Variants in ESRRG observed in about 807,000 individuals in gnomAD.
ESRRG encodes the protein estrogen related receptor gamma, also known as estrogen-related receptor gamma.
A neutral mutation model predicts 44.0 loss-of-function variants in ESRRG; 13 were observed. That is an observed-to-expected ratio of 0.30 (90% CI 0.19 to 0.47). The LOEUF (loss-of-function observed/expected upper bound fraction) is 0.47, where lower values mean the gene tolerates loss of function less well. Ranked by LOEUF, ESRRG falls within the 20% of genes least tolerant of loss-of-function variation. The probability of loss-of-function intolerance (pLI) is 1.00; values close to 1 mark genes in which losing one functional copy is unlikely to be tolerated. For synonymous variants in ESRRG, 215 were observed against 214.6 expected (o/e 1.00, Z -0.02); for missense variants, 395 against 580.6 (o/e 0.68, Z 3.29).
At chr1:216,822,089 T>C (rs1386438780) in intron 2 of ESRRG, among the ~76,000 whole-genome samples, 2 of 152,158 alleles carry the variant, frequency 1.3e-5, no homozygotes, top group African/African-American at 4.8e-5. Flanking sequence ...GATTGGGACC[T>C]TCTACATTTC....
intron 2 of ESRRG, among the ~76,000 whole-genome samples, chr1:216,903,760 C>T (rs1369677853): frequency 6.6e-6 from 1 of 151,950 alleles, no homozygotes; most frequent in East Asian, 1.9e-4. Flanking sequence ...ACTAAATGCC[C>T]CTGACATGCC....
At chr1:217,085,093 TG>T (rs1187350257) in intron 1 of ESRRG, among the ~76,000 whole-genome samples, 15 of 105,270 alleles carry the variant, frequency 1.4e-4, no homozygotes, top group African/African-American at 4.3e-4. Flanking sequence ...CCTTTCACAA[TG>T]GGTTGTGAAT....
intron 2 of ESRRG, among the ~76,000 whole-genome samples, chr1:216,877,385 T>TTG (rs1553672383): frequency 0.048 from 2,514 of 52,332 alleles, 88 homozygotes; most frequent in African/African-American, 0.19. Flanking sequence ...TGGTGTTTTT[T>TTG]TTTGTTTGTT....
chr1:216,627,691 G>C (rs962395503), intron 3 of ESRRG, among the ~76,000 whole-genome samples: 1 of 152,090 alleles, frequency 6.6e-6, no homozygotes, highest in African/African-American at 2.4e-5. Context: ...CTCAAAAACG[G>C]CTACTCCATC....
intron 2 of ESRRG, among the ~76,000 whole-genome samples, chr1:216,937,531 T>C (rs1334145463): frequency 6.6e-6 from 1 of 152,218 alleles, no homozygotes; most frequent in Non-Finnish European, 1.5e-5. Context: ...AGATGATATC[T>C]GTTTTCTCCT....
At chr1:216,915,731 C>G (rs1025002372) in intron 2 of ESRRG, among the ~76,000 whole-genome samples, 2 of 152,200 alleles carry the variant, frequency 1.3e-5, no homozygotes, top group Non-Finnish European at 2.9e-5. Flanking sequence ...GCAGTGTTAA[C>G]TGACATCCAG....
intron 3 of ESRRG, among the ~76,000 whole-genome samples, chr1:216,634,698 C>G (rs1191357608): frequency 6.6e-6 from 1 of 152,164 alleles, no homozygotes; most frequent in Non-Finnish European, 1.5e-5. Context: ...ACAGTCTCCA[C>G]CTCACTGATG....
At chr1:216,953,208 T>C (rs1331329304) in intron 1 of ESRRG, among the ~76,000 whole-genome samples, 1 of 152,136 alleles carries the variant, frequency 6.6e-6, no homozygotes, top group African/African-American at 2.4e-5. Context: ...ACTAAAGGCA[T>C]GGCAATGCAA....
intron 1 of ESRRG, among the ~76,000 whole-genome samples, chr1:217,101,753 C>T (rs531368050): frequency 6.6e-6 from 1 of 151,310 alleles, no homozygotes; most frequent in East Asian, 2.0e-4. Context: ...TCTTTCCATT[C>T]TTGTGTGTGT....
At chr1:216,957,527 T>G (rs920027517) in intron 1 of ESRRG, among the ~76,000 whole-genome samples, 1 of 152,134 alleles carries the variant, frequency 6.6e-6, no homozygotes, top group Non-Finnish European at 1.5e-5. Flanking sequence ...GCCCCAAAAC[T>G]TCAGAAACAT....
intron 1 of ESRRG, among the ~76,000 whole-genome samples, chr1:216,973,586 G>C (rs947030138): frequency 6.6e-6 from 1 of 152,134 alleles, no homozygotes. Flanking sequence ...CAGCACTTTG[G>C]GAGGCCGAGG....
chr1:217,012,636 C>T (rs1005400449), intron 1 of ESRRG, among the ~76,000 whole-genome samples: 2 of 152,168 alleles, frequency 1.3e-5, no homozygotes, highest in African/African-American at 4.8e-5. Context: ...CCTTTCCTTC[C>T]ACAGGTTCCT....
At chr1:216,912,617 AT>A (rs2060609247) in intron 2 of ESRRG, among the ~76,000 whole-genome samples, 1 of 152,142 alleles carries the variant, frequency 6.6e-6, no homozygotes, top group African/African-American at 2.4e-5. Context: ...ATTACATCCT[AT>A]TAAATAAGCA....
In ESRRG at chr1:216,779,159, A is replaced by T. The variant is rs1576452383; in HGVS notation, c.-13-101668T>A. On this transcript the variant is annotated intron_variant, in intron 2 of 7. Transcript: ENST00000359162. ...ATAAATATATATTTATATATATATAAAATAAATATATATATAATTATATAA... is the reference window on the plus strand; with the variant it reads ...ATAAATATATATTTATATATATATATAATAAATATATATATAATTATATAA... Among the ~76,000 whole-genome samples the T allele has an allele frequency of 3.0e-5, 3 of 98,518 alleles. No individual in the cohort carries two copies. The South Asian group carries it at 8.4e-4, about 28-fold the overall frequency. 64.6% of individuals were successfully genotyped at this position (98,518 alleles called of 152,430 possible).
intron 2 of ESRRG, among the ~76,000 whole-genome samples, chr1:216,763,521 C>A (rs1271132048): frequency 6.6e-6 from 1 of 151,886 alleles, no homozygotes; most frequent in Non-Finnish European, 1.5e-5. Context: ...GAAAGAGAAA[C>A]CTGAAAATAA....
intron 2 of ESRRG, among the ~76,000 whole-genome samples, chr1:216,915,222 C>A (rs546192950): frequency 2.0e-5 from 3 of 152,246 alleles, no homozygotes; most frequent in African/African-American, 7.2e-5. Flanking sequence ...TCTGGCTCAC[C>A]ACTGTGTGGG....
chr1:216,692,608 G>A (rs2079277114), intron 1 of ESRRG, among the ~76,000 whole-genome samples: 1 of 152,070 alleles, frequency 6.6e-6, no homozygotes, highest in Non-Finnish European at 1.5e-5. Context: ...AGTGTAGAGT[G>A]TTTATAAAGT....
At chr1:216,806,154 C>T (rs1047517342) in intron 2 of ESRRG, among the ~76,000 whole-genome samples, 23 of 152,218 alleles carry the variant, frequency 1.5e-4, no homozygotes, top group African/African-American at 4.8e-4. Context: ...CCATCACATG[C>T]CCTGCATGCT....
chr1:216,636,341 T>C, intron 3 of ESRRG, among the ~76,000 whole-genome samples: 1 of 152,244 alleles, frequency 6.6e-6, no homozygotes, highest in Non-Finnish European at 1.5e-5. Flanking sequence ...TCCTCCATTT[T>C]TCTCAGGCTT....
Sources: gnomAD v4.1 joint callset for allele counts (sites outside exome capture counted in the v4.1 genomes callset) on GRCh38, gnomAD v4.1.1 for gene constraint, MANE v1.5 for transcripts, NCBI Gene and HGNC (gene_info 2026-07-23, HGNC 2026-07-21) for gene names.